Variants in NFAT5 observed in about 807,000 individuals in gnomAD.
NFAT5 encodes nuclear factor of activated T cells 5.
NFAT5 carries 31 observed loss-of-function variants against 166.5 expected under a neutral mutation model. That is an observed-to-expected ratio of 0.19 (90% CI 0.14 to 0.25). The LOEUF (loss-of-function observed/expected upper bound fraction) is 0.25. NFAT5 is among the 10% of genes least tolerant of loss of function. NFAT5 has a pLI of 1.00. For synonymous variants in NFAT5, 612 were observed against 639.7 expected (o/e 0.96, Z 0.65); for missense variants, 1,449 against 1,821.8 (o/e 0.80, Z 3.72).
chr16:69,603,855 G>A (rs1349890860), intron 2 of NFAT5, among the ~76,000 whole-genome samples: 1 of 152,140 alleles, frequency 6.6e-6, no homozygotes. Flanking sequence ...AGAAAAACTT[G>A]AGATTTGAAC....
chr16:69,568,387 TATATATACACAC>T lies in NFAT5; in HGVS notation c.74-106_74-95del, dbSNP rs1434754484. ...GTGTGTGTGTGTGTGTATATATATATATATATACACACACACACATTGCAGTTATATAAGAGA... is the reference window on the plus strand; with the variant it reads ...GTGTGTGTGTGTGTGTATATATATATACACACATTGCAGTTATATAAGAGA... On this transcript the variant is annotated intron_variant, in intron 1 of 14. Transcript: ENST00000349945. 894 of 462,382 alleles carry T rather than the reference TATATATACACAC, an allele frequency of 1.9e-3. 6 individuals carry two copies. The highest frequency in any genetic ancestry group is 0.019 in the African/African-American group (782 of 41,588). The allele number at this position is 462,382 out of a possible 1,614,324, so 28.6% of individuals were successfully genotyped here. A position where few individuals can be genotyped will look rare whatever the true frequency, so the allele number is the denominator to read the frequency against.
At chr16:69,661,390 A>C (rs1244401717) in intron 7 of NFAT5, among the ~76,000 whole-genome samples, 2 of 150,792 alleles carry the variant, frequency 1.3e-5, no homozygotes, top group African/African-American at 4.9e-5. Context: ...TAAAAAAAAA[A>C]AAAAAAGCCA....
intron 2 of NFAT5, among the ~76,000 whole-genome samples, chr16:69,596,968 T>A (rs2032833078): frequency 2.0e-5 from 3 of 152,128 alleles, no homozygotes; most frequent in Non-Finnish European, 4.4e-5. Flanking sequence ...AGTCCCTGTG[T>A]GCCAGGGGAT....
At chr16:69,648,281 G>A in intron 4 of NFAT5, 2 of 983,696 alleles carry the variant, frequency 2.0e-6, no homozygotes, top group South Asian at 9.4e-5. Context: ...CTTTCCAATT[G>A]TGTCCTCATA....
At chr16:69,649,940 TAG>T (rs1481795805) in intron 4 of NFAT5, among the ~76,000 whole-genome samples, 1 of 151,900 alleles carries the variant, frequency 6.6e-6, no homozygotes, top group Non-Finnish European at 1.5e-5. Flanking sequence ...ACTAAGATGT[TAG>T]AGTCTAATAA....
chr16:69,672,652 G>A (rs768777862), intron 9 of NFAT5, among the ~76,000 whole-genome samples: 2 of 152,102 alleles, frequency 1.3e-5, no homozygotes, highest in Non-Finnish European at 2.9e-5. Context: ...TCTAAGTAAG[G>A]TTCATTTGTT....
intron 7 of NFAT5, among the ~76,000 whole-genome samples, chr16:69,660,478 G>A (rs1030388125): frequency 3.9e-5 from 6 of 152,196 alleles, no homozygotes; most frequent in African/African-American, 1.2e-4. Context: ...ATTACAAAGC[G>A]AAAGCATTTT....
Position 69,695,396 on chromosome 16 carries a change from G to A in NFAT5, c.*8+17G>A. The A allele has an allele frequency of 6.4e-7, 1 of 1,555,884 alleles. No homozygotes were observed. Among genetic ancestry groups the A allele is most frequent in the Non-Finnish European group, 8.9e-7 (1 of 1,128,722 alleles). On this transcript the variant is annotated intron_variant, in intron 14 of 14. Coordinates refer to ENST00000349945, the MANE Select transcript of NFAT5 (RefSeq NM_138713.4). ...ACTGGATATGTAAGTATTGCATTTT[G>A]GCTTCTTATTGAAAAGCATCAGATT...
intron 2 of NFAT5, among the ~76,000 whole-genome samples, chr16:69,571,397 G>C (rs1348448107): frequency 6.6e-6 from 1 of 152,076 alleles, no homozygotes; most frequent in Non-Finnish European, 1.5e-5. Flanking sequence ...TCCTACTTTA[G>C]AGATGAGCAA....
rs1183296473 is a variant in NFAT5, at chr16:69,647,857, A to C, written c.812+271A>C. On this transcript the variant is annotated intron_variant, in intron 4 of 14. Transcript: ENST00000349945. This position sits in a 1 kb window ranked among gnomAD's most constrained non-coding sequence, Gnocchi z 4.8. ...AATAATCTGTTCTGAAATAAATTTC[A>C]AATGAATTTATATTTTAAAAGGACT... 6.6e-6 allele frequency among the ~76,000 whole-genome samples: 1 copy of C among 152,132 alleles called. No individual in the cohort carries two copies. Among genetic ancestry groups the C allele is most frequent in the African/African-American group, 2.4e-5 (1 of 41,430 alleles).
intron 2 of NFAT5, among the ~76,000 whole-genome samples, chr16:69,617,963 C>T (rs862320): frequency 0.35 from 52,353 of 151,744 alleles, 9,725 homozygotes; most frequent in Non-Finnish European, 0.42. Context: ...TCGAGACCAC[C>T]CTGACCAACA....
At chr16:69,657,953 CG>C (rs1033869315) in intron 6 of NFAT5, among the ~76,000 whole-genome samples, 1 of 146,588 alleles carries the variant, frequency 6.8e-6, no homozygotes, top group Admixed American at 6.8e-5. Flanking sequence ...GGCGTGGTGG[CG>C]GGCGCCTGTA....
chr16:69,625,916 T>C (rs1356511872), intron 2 of NFAT5, among the ~76,000 whole-genome samples: 1 of 151,512 alleles, frequency 6.6e-6, no homozygotes, highest in Non-Finnish European at 1.5e-5. Flanking sequence ...GGGAAATTCA[T>C]TTTTCAGTTC....
At position 69,624,451 on chromosome 16, in the gene NFAT5, C is replaced by T. The variant is rs557941965; in HGVS notation, c.128-1952C>T. 4.6e-5 allele frequency among the ~76,000 whole-genome samples: 7 copies of T among 152,284 alleles called. No homozygotes were observed. In the South Asian group the frequency reaches 1.4e-3, roughly 32 times the overall value. ...CGAACTCCTGACCTCAAGTGATCCTCCCGCCTCGGCCTCCCAGTGTTGGGA... is the reference window on the plus strand; with the variant it reads ...CGAACTCCTGACCTCAAGTGATCCTTCCGCCTCGGCCTCCCAGTGTTGGGA... On this transcript the variant is annotated intron_variant, in intron 2 of 14. Transcript: ENST00000349945.
chr16:69,695,570 G>A (rs569097167), intron 14 of NFAT5, 191 bp downstream of exon 14: 53 of 536,416 alleles, frequency 9.9e-5, no homozygotes, highest in Middle Eastern at 5.2e-4. Context: ...CAGGCCGGGC[G>A]TGGTGGCTCA....
At chr16:69,616,118 T>A (rs1001823731) in intron 2 of NFAT5, among the ~76,000 whole-genome samples, 22 of 152,096 alleles carry the variant, frequency 1.4e-4, no homozygotes, top group Admixed American at 1.1e-3. Context: ...AGGCTGCCTA[T>A]CTACGGAAAT....
chr16:69,654,115 A>G (rs886104430), intron 5 of NFAT5, among the ~76,000 whole-genome samples: 2 of 152,180 alleles, frequency 1.3e-5, no homozygotes, highest in Non-Finnish European at 2.9e-5. Context: ...CACCTAGGAT[A>G]TCTTGGTATA....
Position 69,659,867 on chromosome 16 carries a change from C to T in NFAT5, c.1337C>T (p.Thr446Ile). 1 of 1,613,576 alleles carries T rather than the reference C, an allele frequency of 6.2e-7. No homozygotes were observed. The highest frequency in any genetic ancestry group is 8.5e-7 in the Non-Finnish European group (1 of 1,179,706). The change falls in exon 7 of 15, where the codon ACA becomes ATA. Residue 446 changes from threonine to isoleucine, a missense_variant. Coordinates refer to ENST00000349945, the MANE Select transcript of NFAT5 (RefSeq NM_138713.4). ...NIMRKDGSTL[T>I]LQTPSSPILC... ...ATGAGGAAAGATGGCTCCACTTTGA[C>T]ACTGCAAACACCCTCTTCTCCAATT...
At chr16:69,686,447 GAA>G (rs1381545094) in intron 11 of NFAT5, among the ~76,000 whole-genome samples, 1 of 152,102 alleles carries the variant, frequency 6.6e-6, no homozygotes, top group Non-Finnish European at 1.5e-5. Flanking sequence ...TGCTTGATCT[GAA>G]GAGGTCGAAG....
Sources: allele counts gnomAD v4.1 joint callset (sites outside exome capture counted in the v4.1 genomes callset), GRCh38; gene constraint gnomAD v4.1.1; non-coding constraint Gnocchi (gnomAD v3.1); transcripts MANE v1.5; gene names NCBI Gene and HGNC (gene_info 2026-07-23, HGNC 2026-07-21).